IRS1: variants seen among roughly 807,000 people sequenced by gnomAD.
IRS1 encodes the protein insulin receptor substrate 1.
In IRS1, 34 loss-of-function variants were observed where a neutral mutation model predicts 65.6. That is an observed-to-expected ratio of 0.52 (90% confidence interval 0.39 to 0.69). The LOEUF is 0.69. Among genes scored for constraint, IRS1 ranks in the 30% least tolerant of loss-of-function variants. The pLI, the probability that IRS1 is intolerant of heterozygous loss-of-function variation, is 0.00. For missense variants in IRS1, 1,641 were observed against 1,720.2 expected (o/e 0.95, Z 0.81); for synonymous variants, 699 against 683.5 (o/e 1.02, Z -0.35).
Position 226,799,751 on chromosome 2 carries a change from GC to G in IRS1, c.-1014del. ...CTCTGCGCGCCGGCCCCCTCCGACC[GC>G]GCCGCCGTCTCACTCGGAGGAGAAA... On this transcript the variant is annotated 5_prime_UTR_variant, in exon 1 of 2. Coordinates refer to ENST00000305123, the MANE Select transcript of IRS1 (RefSeq NM_005544.3). This position sits in a 1 kb window ranked among gnomAD's most constrained non-coding sequence, Gnocchi z 6.1. The G allele has an allele frequency of 3.0e-6, 3 of 998,640 alleles. No homozygotes were observed. The highest frequency in any genetic ancestry group is 3.6e-6 in the Non-Finnish European group (3 of 829,986). The allele number at this position is 998,640 out of a possible 1,614,324, so 61.9% of individuals were successfully genotyped here.
chr2:226,741,527 C>G (rs1449433901), intron 1 of IRS1, among the ~76,000 whole-genome samples: 1 of 152,108 alleles, frequency 6.6e-6, no homozygotes, highest in Non-Finnish European at 1.5e-5. Context: ...TAGCTCTGTA[C>G]TTTGCAAGAT....
In IRS1 at chr2:226,797,649, G is replaced by A. The variant is rs771146954; in HGVS notation, c.1090C>T (p.Arg364Trp). The change falls in exon 1 of 2, where the codon CGG becomes TGG. Residue 364 changes from arginine to tryptophan, a missense_variant. Physicochemically the swap from Arg to Trp is moderately radical, Grantham distance 101. Transcript: ENST00000305123. This position sits in a 1 kb window ranked among gnomAD's most constrained non-coding sequence, Gnocchi z 8.1. ...THAHRHRGSA[R>W]LHPPLNHSRS... is the part of the protein sequence containing the mutation. Reference sequence around the variant, plus strand: ...CTGTGGTTGAGCGGGGGGTGCAGCCGGGCGCTGCCCCGATGCCGGTGGGCG... The same window carrying A: ...CTGTGGTTGAGCGGGGGGTGCAGCCAGGCGCTGCCCCGATGCCGGTGGGCG... 7 of 1,592,194 alleles carry A rather than the reference G, an allele frequency of 4.4e-6. No individual in the cohort carries two copies. The highest frequency in any genetic ancestry group is 2.2e-5 in the East Asian group (1 of 44,816).
chr2:226,796,147 C>T lies in IRS1; in HGVS notation c.2592G>A (p.Gly864=). The T allele has an allele frequency of 6.2e-7, 1 of 1,613,700 alleles. No individual in the cohort carries two copies. ...GAGGTAAGGTGCTGGCCTTGGGATC[C>T]CCCAGGGACAGCCTCGTGGGCCGGG... The part of the protein sequence containing the change: ...RLARPTRLSL[G]DPKASTLPRA... Residue 864 remains glycine, a synonymous_variant, in exon 1 of 2, where the codon GGG becomes GGA. Transcript: ENST00000305123.
In IRS1 at chr2:226,795,341, C is replaced by T; in HGVS notation, c.3398G>A (p.Ser1133Asn). ...AAVGGGGGSS[S>N]SSEDVKRHSS... Reference sequence around the variant, plus strand: ...GTGGCGTTTCACATCCTCGCTGCTGCTGCTGCTACCGCCACCGCCCCCTAC... The same window carrying T: ...GTGGCGTTTCACATCCTCGCTGCTGTTGCTGCTACCGCCACCGCCCCCTAC... The change falls in exon 1 of 2, where the codon AGC becomes AAC. Residue 1133 changes from serine (S) to asparagine (N), a missense_variant. Ser to Asn is a conservative substitution (Grantham distance 46). This residue lies in a region of IRS1 where 1,324 missense variants were observed against 1,361.0 expected (regional missense o/e 0.97). Coordinates refer to ENST00000305123, the MANE Select transcript of IRS1 (RefSeq NM_005544.3). 6.2e-7 allele frequency: 1 copy of T among 1,613,248 alleles called. No individual in the cohort carries two copies. The highest frequency in any genetic ancestry group is 8.5e-7 in the Non-Finnish European group (1 of 1,179,998).
At chr2:226,762,837 C>T (rs998545649) in intron 1 of IRS1, among the ~76,000 whole-genome samples, 2 of 152,154 alleles carry the variant, frequency 1.3e-5, no homozygotes, top group South Asian at 4.1e-4. Context: ...ATCATAAGAA[C>T]AAAATCAGCT....
chr2:226,741,634 C>T (rs1249146589), intron 1 of IRS1, among the ~76,000 whole-genome samples: 2 of 152,070 alleles, frequency 1.3e-5, no homozygotes, highest in African/African-American at 4.8e-5. Context: ...ACCCCTCCCT[C>T]CTACCACAAT....
Position 226,798,940 on chromosome 2 carries a change from C to A in IRS1, c.-202G>T. 6.9e-7 allele frequency: 1 copy of A among 1,449,570 alleles called. No homozygotes were observed. The highest frequency in any genetic ancestry group is 9.1e-7 in the Non-Finnish European group (1 of 1,100,518). The allele number at this position is 1,449,570 out of a possible 1,614,324, so 89.8% of individuals were successfully genotyped here. A position where few individuals can be genotyped will look rare whatever the true frequency, so the allele number is the denominator to read the frequency against. On this transcript the variant is annotated 5_prime_UTR_variant, in exon 1 of 2. Transcript: ENST00000305123. This position sits in a 1 kb window ranked among gnomAD's most constrained non-coding sequence, Gnocchi z 9.4. Reference sequence around the variant, plus strand: ...CAGCTGCTGAGCCCAGGAGAGAGCCCGACCGGAGTTTTCGGGCGCTTCACG... The same window carrying A: ...CAGCTGCTGAGCCCAGGAGAGAGCCAGACCGGAGTTTTCGGGCGCTTCACG...
intron 1 of IRS1, among the ~76,000 whole-genome samples, chr2:226,791,297 G>A (rs527968146): frequency 6.6e-6 from 1 of 152,242 alleles, no homozygotes; most frequent in South Asian, 2.1e-4. Flanking sequence ...CCACGTGCGG[G>A]ACTCCCTCCT....
At chr2:226,757,413 G>A (rs1012429975) in intron 1 of IRS1, among the ~76,000 whole-genome samples, 3 of 151,626 alleles carry the variant, frequency 2.0e-5, no homozygotes, top group Non-Finnish European at 4.4e-5. Context: ...TGAGGGGTTC[G>A]AGACCAGCCT....
At chr2:226,753,510 A>C (rs763232556) in intron 1 of IRS1, among the ~76,000 whole-genome samples, 2 of 152,180 alleles carry the variant, frequency 1.3e-5, no homozygotes, top group Non-Finnish European at 2.9e-5. Flanking sequence ...TTTGATTACA[A>C]TCCTTTACTA....
chr2:226,757,333 G>C (rs1938824535), intron 1 of IRS1, among the ~76,000 whole-genome samples: 1 of 152,174 alleles, frequency 6.6e-6, no homozygotes, highest in South Asian at 2.1e-4. Context: ...GTCTTGTGAG[G>C]CTGAGGCACA....
At chr2:226,770,647 T>C (rs1370320613) in intron 1 of IRS1, among the ~76,000 whole-genome samples, 1 of 152,256 alleles carries the variant, frequency 6.6e-6, no homozygotes, top group Non-Finnish European at 1.5e-5. Flanking sequence ...ACATGTTGTA[T>C]ATAAAGATAC....
chr2:226,782,508 G>A (rs1005965371), intron 1 of IRS1, among the ~76,000 whole-genome samples: 2 of 152,234 alleles, frequency 1.3e-5, no homozygotes, highest in Admixed American at 6.5e-5. Flanking sequence ...CTCCATTTAG[G>A]CCCTTGCTCT....
At chr2:226,769,721 T>C (rs1939127758) in intron 1 of IRS1, among the ~76,000 whole-genome samples, 2 of 152,226 alleles carry the variant, frequency 1.3e-5, no homozygotes, top group South Asian at 2.1e-4. Flanking sequence ...TCGTTATCTC[T>C]AGAAAACTTT....
chr2:226,789,974 A>G lies in IRS1; in HGVS notation c.*21+5015T>C, dbSNP rs1238507707. Among the ~76,000 whole-genome samples, 3 of 152,182 alleles carry G rather than the reference A, an allele frequency of 2.0e-5. No individual in the cohort carries two copies. The South Asian group carries it at 6.2e-4, about 32-fold the overall frequency. On this transcript the variant is annotated intron_variant, in intron 1 of 1. Transcript: ENST00000305123. ...CCAGGCCCCAGTCTGTCCATAAAGA[A>G]TGTCTGATCCAAAGGCTAGAAATGG... is the stretch of plus-strand genomic sequence containing the variant.
chr2:226,758,854 AT>A (rs1298036751), intron 1 of IRS1, among the ~76,000 whole-genome samples: 3 of 152,110 alleles, frequency 2.0e-5, no homozygotes, highest in African/African-American at 7.3e-5. Flanking sequence ...TTCCTAAAAT[AT>A]CCAAGGAAGT....
In IRS1 at chr2:226,798,809, C is replaced by T. The variant is rs923557576; in HGVS notation, c.-71G>A. The T allele has an allele frequency of 7.1e-6, 11 of 1,556,258 alleles. No homozygotes were observed. In the African/African-American group the frequency reaches 1.4e-4, roughly 19 times the overall value. On this transcript the variant is annotated 5_prime_UTR_variant, in exon 1 of 2. Transcript: ENST00000305123. The surrounding 1 kb of genome is among the most constrained non-coding windows in gnomAD (Gnocchi z 9.4). ...AACAACCGGGTGGGGGGCGGAGGCTCCTCGCCGCGGCCCGGCACATGCAAA... is the reference window on the plus strand; with the variant it reads ...AACAACCGGGTGGGGGGCGGAGGCTTCTCGCCGCGGCCCGGCACATGCAAA...
intron 1 of IRS1, among the ~76,000 whole-genome samples, chr2:226,764,530 A>G (rs778795809): frequency 1.6e-4 from 24 of 152,168 alleles, no homozygotes; most frequent in Non-Finnish European, 2.9e-4. Context: ...GCAACATAAC[A>G]AGACCCTGTT....
intron 1 of IRS1, among the ~76,000 whole-genome samples, chr2:226,769,068 T>C (rs747456872): frequency 5.9e-5 from 9 of 152,228 alleles, no homozygotes; most frequent in Non-Finnish European, 8.8e-5. Context: ...TATGTAACTA[T>C]ATTCAATATA....
Sources: allele counts gnomAD v4.1 joint callset (sites outside exome capture counted in the v4.1 genomes callset), GRCh38; gene constraint gnomAD v4.1.1; regional missense constraint gnomAD v4.1.1; non-coding constraint Gnocchi (gnomAD v3.1); transcripts MANE v1.5; gene names NCBI Gene and HGNC (gene_info 2026-07-23, HGNC 2026-07-21).